The following JPH3 variants were observed in gnomAD, a reference collection of about 807,000 sequenced individuals.
JPH3 encodes the protein junctophilin-3.
Under a neutral mutation model 59.6 loss-of-function variants are expected in JPH3, and 11 were observed. That is an observed-to-expected ratio of 0.18 (90% CI 0.12 to 0.31). JPH3 has a LOEUF of 0.31. JPH3 is among the 10% of genes least tolerant of loss of function. The pLI, the probability that JPH3 is intolerant of heterozygous loss-of-function variation, is 1.00. For synonymous variants in JPH3, 673 were observed against 483.6 expected, an observed-to-expected ratio of 1.39 and a Z score of -5.14; for missense variants, 1,202 against 1,105.7, an observed-to-expected ratio of 1.09 and a Z score of -1.24.
At position 87,695,293 on chromosome 16, in the gene JPH3, AC is replaced by A. The variant is rs1470228690; in HGVS notation, c.2167-1286del. The A allele has an allele frequency of 1.1e-5, 5 of 455,848 alleles. No homozygotes were observed. The East Asian group carries it at 3.5e-4, about 32-fold the overall frequency. The allele number at this position is 455,848 out of a possible 1,614,324, so 28.2% of individuals were successfully genotyped here. A position where few individuals can be genotyped will look rare whatever the true frequency, so the allele number is the denominator to read the frequency against. ...TCTTTGAAATTTGACCAGAGGCCAG[AC>A]TTGGGGGCTTAAAGGAGTCCATGGA... On this transcript the variant is annotated intron_variant, in intron 4 of 4. Transcript: ENST00000284262.
chr16:87,673,231 A>G (rs1020680529), intron 2 of JPH3, among the ~76,000 whole-genome samples: 2 of 152,176 alleles, frequency 1.3e-5, no homozygotes, highest in Non-Finnish European at 2.9e-5. Flanking sequence ...GACAAGAAAA[A>G]AAAATCAACC....
chr16:87,684,235 G>A lies in JPH3; in HGVS notation c.1254G>A (p.Glu418=), dbSNP rs761681920. ...GGATCGCCAGGATCACTGCCAAAGA[G>A]TTCTCCCCTTCCTTCCAGCACCGGG... The part of the protein sequence containing the change: ...EARIARITAK[E]FSPSFQHREN... The change falls in exon 3 of 5, where the codon GAG becomes GAA. Residue 418 remains glutamate (E), a synonymous_variant. Coordinates refer to ENST00000284262, the MANE Select transcript of JPH3 (RefSeq NM_020655.4). 1.9e-6 allele frequency: 3 copies of A among 1,613,992 alleles called. No homozygotes were observed. Among genetic ancestry groups the A allele is most frequent in the South Asian group, 2.2e-5 (2 of 91,082 alleles).
intron 1 of JPH3, among the ~76,000 whole-genome samples, chr16:87,616,167 C>A (rs1017465723): frequency 6.8e-6 from 1 of 146,866 alleles, no homozygotes; most frequent in African/African-American, 2.5e-5. Flanking sequence ...CTGATTTAAG[C>A]AGAACAGCAA....
chr16:87,626,789 G>T (rs181816771), intron 1 of JPH3, among the ~76,000 whole-genome samples: 1 of 152,354 alleles, frequency 6.6e-6, no homozygotes, highest in East Asian at 1.9e-4. Flanking sequence ...CTCAAGAGAA[G>T]ACGTGAGCTT....
chr16:87,684,658 G>GCCTGC (rs2033374033), intron 3 of JPH3, among the ~76,000 whole-genome samples: 1 of 152,234 alleles, frequency 6.6e-6, no homozygotes, highest in Admixed American at 6.5e-5. Context: ...GCCATTAGCT[G>GCCTGC]GGTGTGTCTG....
chr16:87,628,621 G>C (rs1391948024), intron 1 of JPH3, among the ~76,000 whole-genome samples: 1 of 152,182 alleles, frequency 6.6e-6, no homozygotes, highest in Admixed American at 6.5e-5. Flanking sequence ...TCATCACTCG[G>C]TGTTGGCATC....
chr16:87,612,134 T>G (rs1403095159), intron 1 of JPH3, among the ~76,000 whole-genome samples: 1 of 152,134 alleles, frequency 6.6e-6, no homozygotes, highest in East Asian at 1.9e-4. Flanking sequence ...TTATTTTAAT[T>G]TTTTTCAGAC....
At chr16:87,647,469 C>T (rs1361539604) in intron 2 of JPH3, among the ~76,000 whole-genome samples, 1 of 152,190 alleles carries the variant, frequency 6.6e-6, no homozygotes, top group Non-Finnish European at 1.5e-5. Context: ...CACCCCCTGC[C>T]AACCCCCCGA....
At chr16:87,610,996 G>A (rs1311226690) in intron 1 of JPH3, among the ~76,000 whole-genome samples, 2 of 152,222 alleles carry the variant, frequency 1.3e-5, no homozygotes, top group African/African-American at 4.8e-5. Flanking sequence ...TTCAGACCGT[G>A]TTCAAGGCAC....
At chr16:87,693,474 G>GACCAGCCTGGCCACCA (rs2033666108) in intron 4 of JPH3, 1 of 152,272 alleles carries the variant, frequency 6.6e-6, no homozygotes, top group African/African-American at 2.4e-5. Context: ...ATCAGTTCGA[G>GACCAGCCTGGCCACCA]ACCAGCCTGG....
intron 1 of JPH3, among the ~76,000 whole-genome samples, chr16:87,629,634 G>T (rs1045579707): frequency 6.7e-6 from 1 of 150,072 alleles, no homozygotes; most frequent in African/African-American, 2.4e-5. Flanking sequence ...CGTTCTGGAA[G>T]AGGTGGAACT....
intron 1 of JPH3, among the ~76,000 whole-genome samples, chr16:87,642,165 A>C (rs971819668): frequency 3.3e-5 from 5 of 150,976 alleles, no homozygotes; most frequent in African/African-American, 1.2e-4. Flanking sequence ...ACTTGAGGCT[A>C]CAGGACTTTG....
chr16:87,677,551 C>G (rs1022099437), intron 2 of JPH3, among the ~76,000 whole-genome samples: 1 of 152,184 alleles, frequency 6.6e-6, no homozygotes, highest in Non-Finnish European at 1.5e-5. Flanking sequence ...CTTACTAAAC[C>G]CCCTGCACAG....
intron 1 of JPH3, among the ~76,000 whole-genome samples, chr16:87,623,802 C>T (rs991517380): frequency 2.6e-5 from 4 of 152,218 alleles, no homozygotes; most frequent in Non-Finnish European, 4.4e-5. Flanking sequence ...GGTTTAGGGG[C>T]AAAGCTTGAA....
intron 3 of JPH3, 44 bp from the exon 4 acceptor site, chr16:87,689,583 CGCGGCCTCGCTGTGGAATG>C (rs2142833891): frequency 6.5e-7 from 1 of 1,545,406 alleles, no homozygotes; most frequent in South Asian, 1.2e-5. Flanking sequence ...GCCCGGGGAC[CGCGGCCTCGCTGTGGAATG>C]TGCTGGGTAA....
chr16:87,604,484 A>C, intron 1 of JPH3: 9 of 1,339,916 alleles, frequency 6.7e-6, no homozygotes, highest in Non-Finnish European at 8.8e-6. Context: ...CGACCAGTCC[A>C]CTCCCATGTG....
chr16:87,661,904 C>T (rs1030932800), intron 2 of JPH3, among the ~76,000 whole-genome samples: 1 of 152,250 alleles, frequency 6.6e-6, no homozygotes, highest in African/African-American at 2.4e-5. Context: ...CTCACACTCA[C>T]GTCCCATCTG....
intron 2 of JPH3, among the ~76,000 whole-genome samples, chr16:87,657,437 C>A (rs1055713885): frequency 6.6e-6 from 1 of 152,152 alleles, no homozygotes; most frequent in Non-Finnish European, 1.5e-5. Flanking sequence ...TGTAGGGTTT[C>A]TGTTGAGGGC....
At chr16:87,651,637 A>T (rs2032327461) in intron 2 of JPH3, among the ~76,000 whole-genome samples, 1 of 152,264 alleles carries the variant, frequency 6.6e-6, no homozygotes, top group Non-Finnish European at 1.5e-5. Flanking sequence ...GAGAACTGGA[A>T]TTAGAAGCGG....
Sources: allele counts gnomAD v4.1 joint callset (sites outside exome capture counted in the v4.1 genomes callset), GRCh38; gene constraint gnomAD v4.1.1; transcripts MANE v1.5; gene names NCBI Gene and HGNC (gene_info 2026-07-23, HGNC 2026-07-21).